Variants in DNAH10 observed in about 807,000 individuals in gnomAD.
DNAH10 encodes the protein axonemal beta dynein heavy chain 10.
DNAH10 carries 348 observed loss-of-function variants against 506.6 expected under a neutral mutation model. That is an observed-to-expected ratio of 0.69 (90% CI 0.63 to 0.75). The LOEUF (loss-of-function observed/expected upper bound fraction) is 0.75, where lower values mean the gene tolerates loss of function less well. DNAH10 is among the 30% of genes least tolerant of loss of function. The probability of loss-of-function intolerance (pLI) is 0.00; values close to 1 mark genes in which losing one functional copy is unlikely to be tolerated. For missense variants in DNAH10, 5,179 were observed against 5,787.1 expected, an observed-to-expected ratio of 0.89 and a Z score of 3.41; for synonymous variants, 2,059 against 2,198.6, an observed-to-expected ratio of 0.94 and a Z score of 1.78.
At chr12:123,918,628 C>T in intron 64 of DNAH10, 48 bp from the exon 65 acceptor site, 2 of 1,525,878 alleles carry the variant, frequency 1.3e-6, no homozygotes, top group Non-Finnish European at 8.8e-7. Flanking sequence ...TGCCCTCTGC[C>T]CACATCTCAG....
At position 123,926,410 on chromosome 12, in the gene DNAH10, G is replaced by A. The variant is rs1027059330; in HGVS notation, c.11922-227G>A. On this transcript the variant is annotated intron_variant, in intron 68 of 78. Transcript: ENST00000673944. This position sits in a 1 kb window ranked among gnomAD's most constrained non-coding sequence, Gnocchi z 4.1. ...CAGCTCAGCACAAACCAACTGAATC[G>A]AGTGTGAGGGGGTACAGAGAAGTCC... 5.3e-5 allele frequency: 27 copies of A among 505,370 alleles called. 2 individuals carry two copies. The Admixed American group carries it at 9.0e-4, about 17-fold the overall frequency. 31.3% of individuals were successfully genotyped at this position (505,370 alleles called of 1,614,324 possible).
chr12:123,792,600 C>A (rs1254119202), intron 11 of DNAH10, among the ~76,000 whole-genome samples: 1 of 152,076 alleles, frequency 6.6e-6, no homozygotes, highest in Non-Finnish European at 1.5e-5. Flanking sequence ...GCTGGGGTTA[C>A]AGGTGTGTGC....
At chr12:123,774,975 G>A (rs982288677) in intron 5 of DNAH10, among the ~76,000 whole-genome samples, 6 of 152,160 alleles carry the variant, frequency 3.9e-5, no homozygotes, top group African/African-American at 1.4e-4. Context: ...TGGCACACAA[G>A]CACATCTATG....
chr12:123,905,492 A>G (rs1440016093), intron 57 of DNAH10, among the ~76,000 whole-genome samples: 3 of 152,252 alleles, frequency 2.0e-5, no homozygotes, highest in African/African-American at 7.2e-5. Flanking sequence ...CCAACAATCC[A>G]AACGAGTAGT....
chr12:123,772,226 G>GT (rs1957278860), intron 3 of DNAH10, among the ~76,000 whole-genome samples: 1 of 152,190 alleles, frequency 6.6e-6, no homozygotes, highest in Non-Finnish European at 1.5e-5. Context: ...AACTGATCCT[G>GT]TATGACTGGG....
intron 77 of DNAH10, chr12:123,934,290 C>G (rs1955368792): frequency 2.9e-6 from 2 of 691,700 alleles, no homozygotes; most frequent in East Asian, 5.4e-5. Context: ...ACTCTGGGAC[C>G]ATGCATCTTT....
Position 123,819,175 on chromosome 12 carries a change from A to G in DNAH10, c.3925A>G (p.Arg1309Gly), listed in dbSNP as rs560534572. 1.2e-5 allele frequency: 20 copies of G among 1,613,534 alleles called. No individual in the cohort carries two copies. The South Asian group carries it at 2.2e-4, about 18-fold the overall frequency. ...TACTCGAGGCGAAATAATGAACTAC[A>G]GAGTTCAGATAGAGGAGTTTGCAAA... Reference protein sequence around the residue: ...ELTRGEIMNYRVQIEEFAKRF... With the variant: ...ELTRGEIMNYGVQIEEFAKRF... Residue 1309 changes from arginine to glycine, a missense_variant, in exon 23 of 79, where the codon AGA becomes GGA. By Grantham distance (125) the Arg-to-Gly change is moderately radical. Around this residue, in one of 3 missense-constraint regions of DNAH10, gnomAD observed 4,844 missense variants for 5,430.5 expected, o/e 0.89. Transcript: ENST00000673944.
At chr12:123,792,270 G>A (rs1958105640) in intron 11 of DNAH10, among the ~76,000 whole-genome samples, 1 of 151,884 alleles carries the variant, frequency 6.6e-6, no homozygotes, top group African/African-American at 2.4e-5. Context: ...TTTTTTATTT[G>A]CCTGGTTATT....
Position 123,903,089 on chromosome 12 carries a change from A to G in DNAH10, c.9791A>G (p.Asp3264Gly). Residue 3264 changes from aspartate to glycine, a missense_variant, in exon 57 of 79, where the codon GAC (aspartate) becomes GGC (glycine). Physicochemically the swap from Asp to Gly is moderately conservative, Grantham distance 94. Coordinates refer to ENST00000673944, the MANE Select transcript of DNAH10 (RefSeq NM_001372106.1). The surrounding 1 kb of genome is among the most constrained non-coding windows in gnomAD (Gnocchi z 4.6). ...EAAKLELQKL[D>G]KSDVTEIRSF... Reference sequence around the variant, plus strand: ...GCCAAGCTGGAACTGCAGAAGCTGGACAAGTCGGACGTGACTGAGATTAGG... The same window carrying G: ...GCCAAGCTGGAACTGCAGAAGCTGGGCAAGTCGGACGTGACTGAGATTAGG... The G allele has an allele frequency of 6.2e-7, 1 of 1,611,648 alleles. No homozygotes were observed. Among genetic ancestry groups the G allele is most frequent in the Non-Finnish European group, 8.5e-7 (1 of 1,178,992 alleles).
rs1201536696 is a variant in DNAH10 at position 123,831,560 on chromosome 12, A to G, written c.4545+861A>G. On this transcript the variant is annotated intron_variant, in intron 26 of 78. Transcript: ENST00000673944. ...GGAACTACATTGAGTACGGCCAGCC[A>G]TTGTAACCTAATAGTACGTGTGTAT... Among the ~76,000 whole-genome samples the G allele has an allele frequency of 6.6e-5, 10 of 152,342 alleles. No individual in the cohort carries two copies. In the East Asian group the frequency reaches 1.9e-3, roughly 29 times the overall value.
In DNAH10 at chr12:123,777,182, C is replaced by A; in HGVS notation, c.621+2918C>A. 2.6e-5 allele frequency among the ~76,000 whole-genome samples: 4 copies of A among 152,284 alleles called. No individual in the cohort carries two copies. The South Asian group carries it at 8.3e-4, about 32-fold the overall frequency. On this transcript the variant is annotated intron_variant, in intron 5 of 78. Coordinates refer to ENST00000673944, the MANE Select transcript of DNAH10 (RefSeq NM_001372106.1). ...TACGCTGCCTTCTCCACATGCCAAC[C>A]AGAGTGATGCTTTAAAACATGGGCA...
At position 123,835,407 on chromosome 12, in the gene DNAH10, T is replaced by G; in HGVS notation, c.4781T>G (p.Ile1594Ser). The G allele has an allele frequency of 6.2e-7, 1 of 1,612,290 alleles. No homozygotes were observed. The highest frequency in any genetic ancestry group is 8.5e-7 in the Non-Finnish European group (1 of 1,179,132). ...CACTGACCTTTTGTACATTTACAGATTTGGATGTTGGTTCAGAGAAAATGG... is the reference window on the plus strand; with the variant it reads ...CACTGACCTTTTGTACATTTACAGAGTTGGATGTTGGTTCAGAGAAAATGG... ...TLSLIGEVIE[I>S]WMLVQRKWMY... Residue 1594 changes from isoleucine (I) to serine (S), a missense_variant and splice_region_variant, in exon 28 of 79, where the codon ATT becomes AGT. Coordinates refer to ENST00000673944, the MANE Select transcript of DNAH10 (RefSeq NM_001372106.1).
At chr12:123,869,692 A>C (rs1459268992) in intron 43 of DNAH10, among the ~76,000 whole-genome samples, 1 of 152,142 alleles carries the variant, frequency 6.6e-6, no homozygotes, top group African/African-American at 2.4e-5. Flanking sequence ...ACCCCAGCCA[A>C]GGCCAACCCA....
At chr12:123,770,365 G>A (rs536642277) in intron 2 of DNAH10, among the ~76,000 whole-genome samples, 79 of 151,920 alleles carry the variant, frequency 5.2e-4, no homozygotes, top group African/African-American at 1.9e-3. Flanking sequence ...GACTATAGGC[G>A]GCACCATCAC....
intron 25 of DNAH10, among the ~76,000 whole-genome samples, chr12:123,828,556 G>A (rs1265480954): frequency 6.6e-6 from 1 of 152,158 alleles, no homozygotes; most frequent in African/African-American, 2.4e-5. Context: ...CGCCGAGTCT[G>A]CTTTTAGCTC....
intron 13 of DNAH10, among the ~76,000 whole-genome samples, chr12:123,798,840 TCACACC>T (rs1293561895): frequency 2.1e-5 from 3 of 145,434 alleles, no homozygotes; most frequent in African/African-American, 8.1e-5. Flanking sequence ...GTGCAGTGGC[TCACACC>T]TGTAATCCCA....
intron 1 of DNAH10, among the ~76,000 whole-genome samples, chr12:123,766,336 A>G (rs1254810153): frequency 6.7e-6 from 1 of 149,224 alleles, no homozygotes; most frequent in Non-Finnish European, 1.5e-5. Flanking sequence ...ATATCTGTCT[A>G]TCCTTGTTCC....
intron 35 of DNAH10, among the ~76,000 whole-genome samples, chr12:123,851,993 A>C (rs1951194355): frequency 1.3e-5 from 2 of 152,040 alleles, no homozygotes; most frequent in African/African-American, 2.4e-5. Context: ...CTGGTCTCGA[A>C]CTTCTGGGCT....
chr12:123,774,345 G>A, intron 5 of DNAH10, 81 bp downstream of exon 5: 1 of 1,072,832 alleles, frequency 9.3e-7, no homozygotes. Context: ...ATAGGTAGCG[G>A]GCAGCTCTTC....
Sources: allele counts gnomAD v4.1 joint callset (sites outside exome capture counted in the v4.1 genomes callset), GRCh38; gene constraint gnomAD v4.1.1; regional missense constraint gnomAD v4.1.1; non-coding constraint Gnocchi (gnomAD v3.1); transcripts MANE v1.5; gene names NCBI Gene and HGNC (gene_info 2026-07-23, HGNC 2026-07-21).